ELAVL2: variants seen among roughly 807,000 people sequenced by gnomAD.
ELAVL2 encodes the protein ELAV-like protein 2.
In ELAVL2, 4 loss-of-function variants were observed where a neutral mutation model predicts 34.6. The observed-to-expected ratio is 0.12, with a 90% confidence interval of 0.06 to 0.26. The LOEUF is 0.26. Ranked by LOEUF, ELAVL2 falls within the 10% of genes least tolerant of loss-of-function variation. The pLI is 1.00. For missense variants in ELAVL2, 432 were observed against 442.8 expected (o/e 0.98, Z 0.22); for synonymous variants, 193 against 154.8 (o/e 1.25, Z -1.83).
intron 1 of ELAVL2, among the ~76,000 whole-genome samples, chr9:23,786,080 A>G (rs966410504): frequency 1.6e-4 from 24 of 152,176 alleles, no homozygotes; most frequent in African/African-American, 5.1e-4. Context: ...CTATCCAAGG[A>G]CATTTGAAAC....
chr9:23,814,285 A>C (rs16907806), intron 1 of ELAVL2, among the ~76,000 whole-genome samples: 1 of 152,148 alleles, frequency 6.6e-6, no homozygotes, highest in African/African-American at 2.4e-5. Context: ...AACAAAGTGC[A>C]TAAGAGCCAA....
rs761341424 is a variant in ELAVL2 at position 23,826,105 on chromosome 9, AG to A, written c.-316del. 1.3e-5 allele frequency: 2 copies of A among 152,250 alleles called. No homozygotes were observed. The highest frequency in any genetic ancestry group is 2.9e-5 in the Non-Finnish European group (2 of 68,054). 9.4% of individuals were successfully genotyped at this position (152,250 alleles called of 1,614,324 possible). A position where few individuals can be genotyped will look rare whatever the true frequency, so the allele number is the denominator to read the frequency against. ...AAAAAGGGGCAAGAAAAACAAACCAAGGAACAAAGAAAAGAGACGAAAGAAC... is the reference window on the plus strand; with the variant it reads ...AAAAAGGGGCAAGAAAAACAAACCAAGAACAAAGAAAAGAGACGAAAGAAC... On this transcript the variant is annotated 5_prime_UTR_variant, in exon 1 of 7. Coordinates refer to ENST00000397312, the MANE Select transcript of ELAVL2 (RefSeq NM_004432.5).
chr9:23,803,230 C>G (rs1352558966), intron 1 of ELAVL2, among the ~76,000 whole-genome samples: 8 of 152,196 alleles, frequency 5.3e-5, no homozygotes, highest in Non-Finnish European at 1.2e-4. Flanking sequence ...ATCATCTCAA[C>G]TGCCTTTAAT....
At chr9:23,831,371 C>T in the ELAVL2 span, 1 of 152,406 alleles carries the variant, frequency 6.6e-6, no homozygotes, top group Non-Finnish European at 1.5e-5. Flanking sequence ...CTTCCTCCCT[C>T]CTCGGCTCTC....
rs2033303275 is a variant in ELAVL2, at chr9:23,691,954, G to A, written c.*603C>T. ...GCTCTTATCTCTTTGGCAAGGTACTGCTTTACGAAAAGTTCTCCAGTATTC... is the reference window on the plus strand; with the variant it reads ...GCTCTTATCTCTTTGGCAAGGTACTACTTTACGAAAAGTTCTCCAGTATTC... On this transcript the variant is annotated 3_prime_UTR_variant, in exon 7 of 7. Transcript: ENST00000397312. 1 of 152,384 alleles carries A rather than the reference G, an allele frequency of 6.6e-6. No individual in the cohort carries two copies. The highest frequency in any genetic ancestry group is 1.5e-5 in the Non-Finnish European group (1 of 68,008). 9.4% of individuals were successfully genotyped at this position (152,384 alleles called of 1,614,324 possible).
chr9:23,832,089 G>A, the ELAVL2 span: 2 of 152,180 alleles, frequency 1.3e-5, no homozygotes, highest in Non-Finnish European at 2.9e-5. Context: ...ATATCAAATG[G>A]ACTGTAAAGT....
chr9:23,779,311 G>A (rs922246379), intron 1 of ELAVL2: 8 of 985,286 alleles, frequency 8.1e-6, no homozygotes, highest in Non-Finnish European at 9.6e-6. Flanking sequence ...GGCAAAGTGG[G>A]CAGACAGAGG....
chr9:23,732,276 A>C (rs73654361), intron 2 of ELAVL2, among the ~76,000 whole-genome samples: 3,437 of 152,292 alleles, frequency 0.023, 151 homozygotes, highest in African/African-American at 0.079. Context: ...TGGTTATCCT[A>C]ATGTGGATAC....
At chr9:23,764,732 T>C (rs1288495201) in intron 1 of ELAVL2, among the ~76,000 whole-genome samples, 2 of 152,118 alleles carry the variant, frequency 1.3e-5, no homozygotes, top group African/African-American at 4.8e-5. Context: ...CTTTTTTTGT[T>C]TTTTTAAAAA....
chr9:23,693,187 G>C (rs763853116), intron 6 of ELAVL2, among the ~76,000 whole-genome samples: 14 of 152,196 alleles, frequency 9.2e-5, no homozygotes, highest in Non-Finnish European at 2.1e-4. Flanking sequence ...GGCAGGGGAA[G>C]GGATCAACAC....
intron 1 of ELAVL2, among the ~76,000 whole-genome samples, chr9:23,787,794 AACC>A (rs1367653368): frequency 6.6e-6 from 1 of 152,174 alleles, no homozygotes; most frequent in Non-Finnish European, 1.5e-5. Context: ...CAAGGATGAG[AACC>A]ACTGTAAAAG....
chr9:23,782,194 G>A (rs753742529), intron 1 of ELAVL2, among the ~76,000 whole-genome samples: 9 of 152,120 alleles, frequency 5.9e-5, no homozygotes, highest in Non-Finnish European at 1.2e-4. Context: ...AACAGCAGAC[G>A]GTGATGTTTT....
chr9:23,700,793 A>T (rs1001107954), intron 5 of ELAVL2, among the ~76,000 whole-genome samples: 1 of 152,178 alleles, frequency 6.6e-6, no homozygotes, highest in Non-Finnish European at 1.5e-5. Flanking sequence ...CACATAGGTT[A>T]TATACCCTTA....
chr9:23,753,810 C>T (rs1436670961), intron 2 of ELAVL2, among the ~76,000 whole-genome samples: 1 of 152,112 alleles, frequency 6.6e-6, no homozygotes. Flanking sequence ...AAACAGCACA[C>T]GTGCACTCTT....
chr9:23,814,329 G>A (rs77863078), intron 1 of ELAVL2, among the ~76,000 whole-genome samples: 1 of 152,102 alleles, frequency 6.6e-6, no homozygotes, highest in East Asian at 1.9e-4. Context: ...AAAATAAAGG[G>A]ACAAGTGAGC....
intron 1 of ELAVL2, among the ~76,000 whole-genome samples, chr9:23,767,820 T>C (rs151195001): frequency 1.3e-5 from 2 of 152,262 alleles, no homozygotes; most frequent in Admixed American, 1.3e-4. Context: ...AGAGTTGTTA[T>C]TAAGTTCACT....
At chr9:23,812,366 C>A (rs1319873821) in intron 1 of ELAVL2, among the ~76,000 whole-genome samples, 1 of 152,086 alleles carries the variant, frequency 6.6e-6, no homozygotes, top group African/African-American at 2.4e-5. Flanking sequence ...TTTGGAAAAG[C>A]CCTAAGCTTC....
intron 1 of ELAVL2, among the ~76,000 whole-genome samples, chr9:23,776,934 C>G (rs952802232): frequency 1.3e-5 from 2 of 151,116 alleles, no homozygotes; most frequent in Non-Finnish European, 2.9e-5. Context: ...TTCTGCCTCA[C>G]TAAGAAAATT....
chr9:23,775,566 C>A (rs1004669133), intron 1 of ELAVL2, among the ~76,000 whole-genome samples: 3 of 152,090 alleles, frequency 2.0e-5, no homozygotes, highest in Non-Finnish European at 4.4e-5. Flanking sequence ...TCCTCCATTC[C>A]ACGGCTGTGG....
Sources: allele counts gnomAD v4.1 joint callset (sites outside exome capture counted in the v4.1 genomes callset), GRCh38; gene constraint gnomAD v4.1.1; transcripts MANE v1.5; gene names NCBI Gene and HGNC (gene_info 2026-07-23, HGNC 2026-07-21).